Variants in SLC25A26 observed in about 807,000 individuals in gnomAD.
SLC25A26 encodes solute carrier family 25 member 26.
In SLC25A26, 36 loss-of-function variants were observed where a neutral mutation model predicts 37.8. The observed-to-expected ratio is 0.95, with a 90% CI of 0.73 to 1.26. SLC25A26 has a LOEUF of 1.26. Ranked by LOEUF, SLC25A26 falls within the 50% of genes most tolerant of loss-of-function variation. The pLI is 0.00. For missense variants in SLC25A26, 390 were observed against 331.1 expected (o/e 1.18, Z -1.38); for synonymous variants, 129 against 122.5 (o/e 1.05, Z -0.35).
intron 5 of SLC25A26, among the ~76,000 whole-genome samples, chr3:66,344,337 C>A (rs1171049888): frequency 6.6e-6 from 1 of 152,084 alleles, no homozygotes; most frequent in Admixed American, 6.5e-5. Flanking sequence ...GTGGCACATA[C>A]CTGTAATCCC....
At chr3:66,236,773 C>G in intron 2 of SLC25A26, 73 bp downstream of exon 2, 1 of 1,147,764 alleles carries the variant, frequency 8.7e-7, no homozygotes, top group South Asian at 2.1e-5. Flanking sequence ...TGGTCTTACC[C>G]CCATAGAATT....
chr3:66,362,175 T>G (rs774923696), intron 6 of SLC25A26, among the ~76,000 whole-genome samples: 4 of 152,200 alleles, frequency 2.6e-5, no homozygotes, highest in Non-Finnish European at 5.9e-5. Flanking sequence ...GATCTAGTGA[T>G]TTCACCGCTA....
chr3:66,312,628 C>T lies in SLC25A26; in HGVS notation c.454-33736C>T, dbSNP rs547605012. 1.3e-4 allele frequency among the ~76,000 whole-genome samples: 20 copies of T among 152,098 alleles called. No homozygotes were observed. The South Asian group carries it at 3.7e-3, about 28-fold the overall frequency. On this transcript the variant is annotated intron_variant, in intron 5 of 9. Transcript: ENST00000354883. ...TGCTTGAAACCCAAGACCCTGGTGG[C>T]GTAGGCACTAGAGGGAATCTCCTCG...
intron 2 of SLC25A26, among the ~76,000 whole-genome samples, chr3:66,241,509 G>T (rs1394233428): frequency 6.6e-6 from 1 of 152,160 alleles, no homozygotes; most frequent in Non-Finnish European, 1.5e-5. Context: ...ATGTCATTAA[G>T]ATCACAGGTT....
intron 1 of SLC25A26, among the ~76,000 whole-genome samples, chr3:66,198,139 G>A (rs1029743302): frequency 0.011 from 1,616 of 152,154 alleles, 31 homozygotes; most frequent in African/African-American, 0.037. Flanking sequence ...CAGGATTAGG[G>A]TCAGTGTAAG....
At chr3:66,326,165 T>TG (rs35106028) in intron 5 of SLC25A26, among the ~76,000 whole-genome samples, 1 of 152,048 alleles carries the variant, frequency 6.6e-6, no homozygotes, top group Non-Finnish European at 1.5e-5. Flanking sequence ...GGATAGGCTT[T>TG]GGGGGTTGGG....
intron 5 of SLC25A26, among the ~76,000 whole-genome samples, chr3:66,343,176 A>G (rs561475160): frequency 6.6e-6 from 1 of 152,316 alleles, no homozygotes; most frequent in African/African-American, 2.4e-5. Flanking sequence ...GACGTTGGGA[A>G]AAGTGTTTGT....
At position 66,209,048 on chromosome 3, in the gene SLC25A26, A is replaced by ATG. The variant is rs1576639379; in HGVS notation, c.-353-11693_-353-11692insGT. Among the ~76,000 whole-genome samples, 29 of 24,144 alleles carry ATG rather than the reference A, an allele frequency of 1.2e-3. 2 individuals are homozygous for ATG. In the East Asian group the frequency reaches 0.065, roughly 54 times the overall value. The allele number at this position is 24,144 out of a possible 152,430, so 15.8% of individuals were successfully genotyped here. ...CACACCCATATAAAGGTGTATATAT[A>ATG]TATATATATATATATATACACACAC... On this transcript the variant is annotated intron_variant, in intron 1 of 10. Transcript: ENST00000676754.
chr3:66,214,096 A>AG (rs1654827360), intron 1 of SLC25A26, among the ~76,000 whole-genome samples: 1 of 152,106 alleles, frequency 6.6e-6, no homozygotes. Flanking sequence ...TGTGATTCCC[A>AG]GTGTTGGAGG....
At chr3:66,250,366 A>G (rs1403847460) in intron 3 of SLC25A26, among the ~76,000 whole-genome samples, 1 of 152,240 alleles carries the variant, frequency 6.6e-6, no homozygotes, top group East Asian at 1.9e-4. Flanking sequence ...TGTTACAGGC[A>G]TTTTTAAGAA....
At position 66,301,181 on chromosome 3, in the gene SLC25A26, C is replaced by T. The variant is rs1209778367; in HGVS notation, c.453+37802C>T. Among the ~76,000 whole-genome samples the T allele has an allele frequency of 2.0e-5, 3 of 152,170 alleles. No homozygotes were observed. In the East Asian group the frequency reaches 5.8e-4, roughly 29 times the overall value. ...ATTTACTTTTCTTTTTAGTATTCAA[C>T]TCAAAATTGCCAGTTTCCCTGAATT... On this transcript the variant is annotated intron_variant, in intron 5 of 9. Coordinates refer to ENST00000354883, the MANE Select transcript of SLC25A26 (RefSeq NM_001379210.1).
intron 5 of SLC25A26, among the ~76,000 whole-genome samples, chr3:66,315,080 A>ATTTTTTTTTTTTTTTTTTTTTG (rs58312800): frequency 8.4e-6 from 1 of 119,316 alleles, no homozygotes; most frequent in African/African-American, 3.1e-5. Flanking sequence ...GGATTCTTTG[A>ATTTTTTTTTTTTTTTTTTTTTG]TTTTTTTTTT....
At chr3:66,264,835 G>T (rs1305641955) in intron 5 of SLC25A26, among the ~76,000 whole-genome samples, 2 of 152,188 alleles carry the variant, frequency 1.3e-5, no homozygotes, top group African/African-American at 4.8e-5. Flanking sequence ...GTTCAGTCTG[G>T]ACTGGAGTCC....
intron 5 of SLC25A26, among the ~76,000 whole-genome samples, chr3:66,302,040 G>A (rs556469269): frequency 1.3e-4 from 20 of 152,294 alleles, no homozygotes; most frequent in African/African-American, 4.8e-4. Context: ...GATTATTGTT[G>A]TGATGATAAT....
chr3:66,187,759 C>CCTTGA (rs1440333983), intron 1 of SLC25A26, among the ~76,000 whole-genome samples: 55,384 of 151,280 alleles, frequency 0.37, 10,366 homozygotes, highest in South Asian at 0.49. Context: ...ATGAACTGGA[C>CCTTGA]CTTGTCCCTG....
intron 2 of SLC25A26, among the ~76,000 whole-genome samples, chr3:66,239,971 A>T (rs782191274): frequency 2.0e-4 from 30 of 151,884 alleles, no homozygotes; most frequent in Non-Finnish European, 3.7e-4. Context: ...GCTTCTTAGG[A>T]GCTTTCTTGA....
chr3:66,212,900 T>C (rs2071305394), intron 1 of SLC25A26, among the ~76,000 whole-genome samples: 1 of 152,214 alleles, frequency 6.6e-6, no homozygotes, highest in Admixed American at 6.5e-5. Flanking sequence ...CATTTGCCGA[T>C]TGACATTCGG....
chr3:66,245,973 C>T (rs935282580), intron 3 of SLC25A26, among the ~76,000 whole-genome samples: 37 of 152,264 alleles, frequency 2.4e-4, no homozygotes, highest in Admixed American at 8.5e-4. Context: ...CCCATTTCAC[C>T]CCAACCCTCC....
At chr3:66,232,471 A>G (rs918019911) in intron 1 of SLC25A26, among the ~76,000 whole-genome samples, 1 of 152,246 alleles carries the variant, frequency 6.6e-6, no homozygotes, top group Non-Finnish European at 1.5e-5. Flanking sequence ...TGCTGGAAAC[A>G]TATTAGTAAA....
Sources: allele counts gnomAD v4.1 joint callset (sites outside exome capture counted in the v4.1 genomes callset), GRCh38; gene constraint gnomAD v4.1.1; transcripts MANE v1.5; gene names NCBI Gene and HGNC (gene_info 2026-07-23, HGNC 2026-07-21).